The following VWF variants were observed in gnomAD, a reference collection of about 807,000 sequenced individuals.
VWF encodes the protein von Willebrand factor.
Under a neutral mutation model 308.6 loss-of-function variants are expected in VWF, and 176 were observed. The observed-to-expected ratio is 0.57, with a 90% CI of 0.50 to 0.65. The LOEUF (loss-of-function observed/expected upper bound fraction) is 0.65, where lower values mean the gene tolerates loss of function less well. Ranked by LOEUF, VWF falls within the 30% of genes least tolerant of loss-of-function variation. The probability of loss-of-function intolerance (pLI) is 0.00; values close to 1 mark genes in which losing one functional copy is unlikely to be tolerated. For missense variants in VWF, 3,146 were observed against 3,648.2 expected, an observed-to-expected ratio of 0.86 and a Z score of 3.55; for synonymous variants, 1,385 against 1,443.4, an observed-to-expected ratio of 0.96 and a Z score of 0.92.
chr12:5,954,808 T>C (rs723190), intron 47 of VWF, among the ~76,000 whole-genome samples: 11,470 of 152,250 alleles, frequency 0.075, 523 homozygotes, highest in African/African-American at 0.12. Flanking sequence ...GAGAGTTTGC[T>C]GTCTGAATTC....
chr12:6,011,907 A>T, intron 33 of VWF, 113 bp from the exon 34 acceptor site: 1 of 1,259,250 alleles, frequency 7.9e-7, no homozygotes, highest in South Asian at 1.2e-5. Flanking sequence ...CACAGCAAGG[A>T]GGCCCCCTGT....
At chr12:6,106,227 C>A (rs1027414881) in intron 5 of VWF, among the ~76,000 whole-genome samples, 3 of 152,016 alleles carry the variant, frequency 2.0e-5, no homozygotes, top group Non-Finnish European at 4.4e-5. Flanking sequence ...TCCTCAAATT[C>A]CTCTGATACA....
rs986686159 is a variant in VWF, at chr12:6,063,471, G to A, written c.1433-417C>T. 6.6e-6 allele frequency among the ~76,000 whole-genome samples: 1 copy of A among 152,184 alleles called. No individual in the cohort carries two copies. Among genetic ancestry groups the A allele is most frequent in the Non-Finnish European group, 1.5e-5 (1 of 68,028 alleles). The stretch of plus-strand genomic sequence containing the variant: ...TCTGAGCGATGCTGTGTACGACACT[G>A]AATACAGCAATTGTTGCTTCTGTGG... On this transcript the variant is annotated intron_variant, in intron 12 of 51. Coordinates refer to ENST00000261405, the MANE Select transcript of VWF (RefSeq NM_000552.5). The surrounding 1 kb of genome is among the most constrained non-coding windows in gnomAD (Gnocchi z 4.9).
intron 34 of VWF, among the ~76,000 whole-genome samples, chr12:5,997,951 C>G (rs1032391219): frequency 2.6e-5 from 4 of 152,188 alleles, no homozygotes; most frequent in African/African-American, 9.7e-5. Context: ...AATATTATCA[C>G]AGAGTAAAGT....
At chr12:6,072,499 C>G (rs557552698) in intron 8 of VWF, 57 bp from the exon 9 acceptor site, 1 of 1,396,740 alleles carries the variant, frequency 7.2e-7, no homozygotes, top group African/African-American at 1.4e-5. Context: ...TCACTCATCC[C>G]ACAACTATAG....
rs1565390791 is a variant in VWF, at chr12:6,103,373, T to TGTGTATACAC, written c.532+7000_532+7001insGTGTATACAC. 2.8e-5 allele frequency among the ~76,000 whole-genome samples: 4 copies of TGTGTATACAC among 141,908 alleles called. 1 individual carries two copies. The highest frequency in any genetic ancestry group is 1.1e-4 in the African/African-American group (4 of 36,004). 93.1% of individuals were successfully genotyped at this position (141,908 alleles called of 152,430 possible). A position where few individuals can be genotyped will look rare whatever the true frequency, so the allele number is the denominator to read the frequency against. ...GTGTATATATACATATATATGTGTG[T>TGTGTATACAC]GTGTGTATACACGTGTGTGTATACA... On this transcript the variant is annotated intron_variant, in intron 5 of 51. Transcript: ENST00000261405.
intron 47 of VWF, among the ~76,000 whole-genome samples, chr12:5,962,175 G>C (rs927721368): frequency 2.0e-5 from 3 of 152,172 alleles, no homozygotes; most frequent in African/African-American, 7.2e-5. Flanking sequence ...TGTTACAGCA[G>C]CACAGACTGA....
intron 13 of VWF, among the ~76,000 whole-genome samples, chr12:6,062,326 T>A (rs1490833617): frequency 2.6e-5 from 4 of 152,004 alleles, no homozygotes; most frequent in Non-Finnish European, 4.4e-5. Context: ...CCCTGGAAGT[T>A]CTGGAGTGCT....
intron 13 of VWF, among the ~76,000 whole-genome samples, chr12:6,059,111 GA>G (rs1315614977): frequency 6.6e-6 from 1 of 152,120 alleles, no homozygotes; most frequent in African/African-American, 2.4e-5. Flanking sequence ...CATAGAAATC[GA>G]ACCCAAGTAA....
intron 3 of VWF, among the ~76,000 whole-genome samples, chr12:6,118,336 C>G (rs1237350544): frequency 6.6e-6 from 1 of 150,770 alleles, no homozygotes; most frequent in African/African-American, 2.4e-5. Flanking sequence ...GCCCCCACCC[C>G]GGGCACTGCA....
intron 34 of VWF, among the ~76,000 whole-genome samples, chr12:6,009,792 A>G (rs1211082278): frequency 6.6e-6 from 1 of 152,228 alleles, no homozygotes; most frequent in Admixed American, 6.5e-5. Context: ...AATACTATTC[A>G]GTCTTTAGAA....
At chr12:6,099,885 G>C (rs563890547) in intron 5 of VWF, among the ~76,000 whole-genome samples, 2,758 of 152,198 alleles carry the variant, frequency 0.018, 26 homozygotes, top group Non-Finnish European at 0.029. Flanking sequence ...AGCCAAAATT[G>C]ACAAATGGGA....
chr12:6,058,773 T>C lies in VWF; in HGVS notation c.1534-729A>G, dbSNP rs968504266. ...CAGTTCAAACTCCAGGCCATGAGCA[T>C]GTGGTTTACTGTCCATTCTCAGAAC... On this transcript the variant is annotated intron_variant, in intron 13 of 51. Transcript: ENST00000261405. The surrounding 1 kb of genome is among the most constrained non-coding windows in gnomAD (Gnocchi z 4.9). Among the ~76,000 whole-genome samples the C allele has an allele frequency of 1.1e-4, 16 of 152,164 alleles. No individual in the cohort carries two copies. Among genetic ancestry groups the C allele is most frequent in the African/African-American group, 3.6e-4 (15 of 41,438 alleles).
At chr12:5,959,080 A>G (rs1475771630) in intron 47 of VWF, among the ~76,000 whole-genome samples, 1 of 152,008 alleles carries the variant, frequency 6.6e-6, no homozygotes, top group African/African-American at 2.4e-5. Context: ...GGTGGCACAC[A>G]CCTCTAGTCT....
Position 6,060,925 on chromosome 12 carries a change from G to T in VWF, c.1533+2029C>A, listed in dbSNP as rs919905731. 6.6e-6 allele frequency among the ~76,000 whole-genome samples: 1 copy of T among 152,236 alleles called. No individual in the cohort carries two copies. The highest frequency in any genetic ancestry group is 1.5e-5 in the Non-Finnish European group (1 of 68,042). On this transcript the variant is annotated intron_variant, in intron 13 of 51. Coordinates refer to ENST00000261405, the MANE Select transcript of VWF (RefSeq NM_000552.5). The surrounding 1 kb of genome is among the most constrained non-coding windows in gnomAD (Gnocchi z 5.1). Reference sequence around the variant, plus strand: ...CTGAGAAAGTGGACTGGCTGGCCGGGCGTGGTGGCTCATGCCCGTAATCCC... The same window carrying T: ...CTGAGAAAGTGGACTGGCTGGCCGGTCGTGGTGGCTCATGCCCGTAATCCC...
intron 24 of VWF, 96 bp downstream of exon 24, chr12:6,025,484 G>A (rs989090120): frequency 1.0e-5 from 10 of 981,966 alleles, no homozygotes; most frequent in African/African-American, 3.2e-5. Flanking sequence ...GTCAAGACAC[G>A]AGGGTAGTGT....
chr12:6,113,984 G>A (rs1056723898), intron 3 of VWF, among the ~76,000 whole-genome samples: 4 of 152,236 alleles, frequency 2.6e-5, no homozygotes, highest in African/African-American at 7.2e-5. Flanking sequence ...TCTGGGCTCA[G>A]GGGTCTGTGT....
At position 6,057,909 on chromosome 12, in the gene VWF, C is replaced by G; in HGVS notation, c.1669G>C (p.Gly557Arg). The change falls in exon 14 of 52, where the codon GGG (glycine) becomes CGG (arginine). Residue 557 changes from glycine (G) to arginine (R), a missense_variant. This residue lies in a region of VWF where 1,304 missense variants were observed against 1,353.0 expected (regional missense o/e 0.96). Transcript: ENST00000261405. ...TGCTTCTGCAGGTCCTGGCAGTCCC[C>G]GTGCAGCTTCCAGGCGTTCCCGAAG... ...EDFGNAWKLHGDCQDLQKQHS... is the reference protein window; with the variant it reads ...EDFGNAWKLHRDCQDLQKQHS... 2 of 1,613,282 alleles carry G rather than the reference C, an allele frequency of 1.2e-6. No homozygotes were observed. Among genetic ancestry groups the G allele is most frequent in the Non-Finnish European group, 1.7e-6 (2 of 1,179,720 alleles).
rs779703153 is a variant in VWF at position 6,103,371 on chromosome 12, TGTGTGTGTATACACGTGTGTGTATACAC to T, written c.532+6975_532+7002del. Among the ~76,000 whole-genome samples, 178 of 134,492 alleles carry T rather than the reference TGTGTGTGTATACACGTGTGTGTATACAC, an allele frequency of 1.3e-3. 8 individuals are homozygous for T. The highest frequency in any genetic ancestry group is 6.6e-3 in the East Asian group (32 of 4,856). The allele number at this position is 134,492 out of a possible 152,430, so 88.2% of individuals were successfully genotyped here. On this transcript the variant is annotated intron_variant, in intron 5 of 51. Transcript: ENST00000261405. Reference sequence around the variant, plus strand: ...GTGTGTATATATACATATATATGTGTGTGTGTGTATACACGTGTGTGTATACACGTGTGTGTATACACACGTGTGTGTA... The same window carrying T: ...GTGTGTATATATACATATATATGTGTGTGTGTGTATACACACGTGTGTGTA...
Sources: gnomAD v4.1 joint callset for allele counts (sites outside exome capture counted in the v4.1 genomes callset) on GRCh38, gnomAD v4.1.1 for gene constraint, gnomAD v4.1.1 regional missense constraint, Gnocchi (gnomAD v3.1) non-coding constraint, MANE v1.5 for transcripts, NCBI Gene and HGNC (gene_info 2026-07-23, HGNC 2026-07-21) for gene names.